Variants in RANBP2 observed in about 807,000 individuals in gnomAD.
RANBP2 encodes the protein E3 SUMO-protein ligase RanBP2.
In RANBP2, 57 loss-of-function variants were observed where a neutral mutation model predicts 303.6. The ratio of observed to expected loss-of-function variants is 0.19; its 90% CI spans 0.15 to 0.23. RANBP2 has a LOEUF of 0.23. Ranked by LOEUF, RANBP2 falls within the 10% of genes least tolerant of loss-of-function variation. The pLI is 1.00. For missense variants in RANBP2, 3,138 were observed against 3,780.8 expected (o/e 0.83, Z 4.46); for synonymous variants, 1,167 against 1,301.5 (o/e 0.90, Z 2.23).
chr2:109,049,064 G>A, the RANBP2 span, among the ~76,000 whole-genome samples: 275 of 152,312 alleles, frequency 1.8e-3, 1 homozygote, highest in African/African-American at 6.2e-3. Flanking sequence ...AAACAGTTTT[G>A]AAGTATCCGG....
chr2:109,794,893 A>G, the RANBP2 span: 259 of 49,030 alleles, frequency 5.3e-3, no homozygotes, highest in African/African-American at 0.049. Flanking sequence ...CGCACCCCGT[A>G]GTACCCGCGC....
chr2:109,555,438 TG>T, the RANBP2 span, among the ~76,000 whole-genome samples: 27 of 152,142 alleles, frequency 1.8e-4, no homozygotes, highest in African/African-American at 6.3e-4. Flanking sequence ...CAAATTCACA[TG>T]TAACTTCTTC....
the RANBP2 span, among the ~76,000 whole-genome samples, chr2:109,592,190 C>A: frequency 9.3e-5 from 14 of 151,306 alleles, no homozygotes; most frequent in East Asian, 5.9e-4. Context: ...AACGGCCGGG[C>A]GTGGTGGCTC....
the RANBP2 span, among the ~76,000 whole-genome samples, chr2:108,809,804 G>T: frequency 2.2e-4 from 33 of 151,536 alleles, no homozygotes; most frequent in Non-Finnish European, 3.7e-4. Context: ...ATTTTTGTTT[G>T]TTTGTTTGTT....
the RANBP2 span, among the ~76,000 whole-genome samples, chr2:109,343,766 A>T: frequency 6.9e-6 from 1 of 145,390 alleles, no homozygotes; most frequent in Non-Finnish European, 1.5e-5. Flanking sequence ...TTTCTTAGAC[A>T]CAGGTTCTTG....
chr2:109,018,689 T>A, the RANBP2 span, among the ~76,000 whole-genome samples: 4 of 152,256 alleles, frequency 2.6e-5, no homozygotes, highest in Middle Eastern at 3.4e-3. Context: ...GGATTACACA[T>A]CTCCATCCCC....
chr2:109,402,995 T>A, the RANBP2 span, among the ~76,000 whole-genome samples: 1 of 152,052 alleles, frequency 6.6e-6, no homozygotes, highest in African/African-American at 2.4e-5. Context: ...TGATACACAG[T>A]CAGGGTGGGT....
At chr2:109,585,781 G>C in the RANBP2 span, 1 of 1,613,488 alleles carries the variant, frequency 6.2e-7, no homozygotes, top group Non-Finnish European at 8.5e-7. Context: ...AGCTGATCAG[G>C]CAAACTCTCA....
chr2:109,397,756 G>T, the RANBP2 span, among the ~76,000 whole-genome samples: 11 of 152,306 alleles, frequency 7.2e-5, no homozygotes, highest in Admixed American at 7.2e-4. Flanking sequence ...AGGTGATGCC[G>T]CAGCCCTGAG....
chr2:109,349,438 A>G, the RANBP2 span, among the ~76,000 whole-genome samples: 5 of 152,096 alleles, frequency 3.3e-5, no homozygotes, highest in African/African-American at 1.2e-4. Context: ...GGCGAGAGCA[A>G]CAGCTTCCTG....
At chr2:108,985,530 T>A in the RANBP2 span, among the ~76,000 whole-genome samples, 1 of 152,204 alleles carries the variant, frequency 6.6e-6, no homozygotes, top group South Asian at 2.1e-4. Context: ...AACAAAGGCA[T>A]CCTGGCTGGT....
the RANBP2 span, among the ~76,000 whole-genome samples, chr2:109,019,076 T>C: frequency 6.6e-6 from 1 of 151,292 alleles, no homozygotes; most frequent in Non-Finnish European, 1.5e-5. Context: ...GGCAGGAGAG[T>C]GTTTAGTGTG....
the RANBP2 span, among the ~76,000 whole-genome samples, chr2:109,436,566 G>C: frequency 6.6e-6 from 1 of 152,240 alleles, no homozygotes. Flanking sequence ...TGTTCTTTCT[G>C]GATGTATCTG....
the RANBP2 span, among the ~76,000 whole-genome samples, chr2:109,183,268 G>A: frequency 6.6e-6 from 1 of 151,960 alleles, no homozygotes; most frequent in East Asian, 1.9e-4. Context: ...AGTTGAGTTA[G>A]TTTCAGGCTT....
the RANBP2 span, among the ~76,000 whole-genome samples, chr2:109,358,984 A>AT: frequency 4.6e-5 from 7 of 151,828 alleles, no homozygotes; most frequent in Non-Finnish European, 7.4e-5. Context: ...TTATTTCTAG[A>AT]TTTTTTGCAT....
chr2:109,196,465 G>C, the RANBP2 span, among the ~76,000 whole-genome samples: 5 of 152,216 alleles, frequency 3.3e-5, no homozygotes, highest in South Asian at 8.3e-4. Flanking sequence ...AGCCCTGCAA[G>C]GGAGGACACA....
chr2:109,425,177 G>A, the RANBP2 span, among the ~76,000 whole-genome samples: 1 of 152,180 alleles, frequency 6.6e-6, no homozygotes, highest in East Asian at 1.9e-4. Context: ...CTTCAACTCC[G>A]TGAATGCTGA....
chr2:108,917,652 G>C, the RANBP2 span, among the ~76,000 whole-genome samples: 722 of 152,258 alleles, frequency 4.7e-3, 7 homozygotes, highest in South Asian at 0.022. Flanking sequence ...CTAGAGGGGG[G>C]TCAAACGGGA....
chr2:108,806,292 G>T, the RANBP2 span, among the ~76,000 whole-genome samples: 2 of 152,174 alleles, frequency 1.3e-5, no homozygotes, highest in African/African-American at 4.8e-5. Flanking sequence ...AAAATTCCTA[G>T]CATAGATAAA....
Sources: gnomAD v4.1 joint callset for allele counts (sites outside exome capture counted in the v4.1 genomes callset) on GRCh38, gnomAD v4.1.1 for gene constraint, MANE v1.5 for transcripts, NCBI Gene and HGNC (gene_info 2026-07-23, HGNC 2026-07-21) for gene names.